Variants in VKORC1L1 observed in about 807,000 individuals in gnomAD.
The protein encoded by VKORC1L1 is vitamin K epoxide reductase complex subunit 1L1, also known as vitamin K epoxide reductase complex subunit 1-like protein 1.
VKORC1L1 carries 2 observed loss-of-function variants against 18.9 expected under a neutral mutation model. That is an observed-to-expected ratio of 0.11 (90% CI 0.04 to 0.33). The LOEUF (loss-of-function observed/expected upper bound fraction) is 0.33, where lower values mean the gene tolerates loss of function less well. VKORC1L1 is among the 10% of genes least tolerant of loss of function. The pLI, the probability that VKORC1L1 is intolerant of heterozygous loss-of-function variation, is 1.00. For synonymous variants in VKORC1L1, 96 were observed against 100.0 expected (o/e 0.96, Z 0.24); for missense variants, 123 against 224.1 (o/e 0.55, Z 2.88).
chr7:65,888,235 C>A (rs537570958), intron 1 of VKORC1L1, among the ~76,000 whole-genome samples: 2 of 152,150 alleles, frequency 1.3e-5, no homozygotes, highest in East Asian at 3.9e-4. Context: ...CTATAGGGTC[C>A]CTGGGAGAAA....
In VKORC1L1 at chr7:65,931,790, C is replaced by A. The variant is rs561732849; in HGVS notation, c.195-16881C>A. On this transcript the variant is annotated intron_variant, in intron 1 of 2. Transcript: ENST00000360768. ...CAGAATAGCTGGGATTACAGACATC[C>A]ACCACCATGCCCGGCTACTTTTTAT... 2.2e-4 allele frequency among the ~76,000 whole-genome samples: 33 copies of A among 152,128 alleles called. No homozygotes were observed. In the South Asian group the frequency reaches 6.9e-3, roughly 32 times the overall value.
intron 1 of VKORC1L1, among the ~76,000 whole-genome samples, chr7:65,901,762 C>T (rs1315841877): frequency 6.6e-6 from 1 of 151,992 alleles, no homozygotes; most frequent in Non-Finnish European, 1.5e-5. Flanking sequence ...GGAGGAGTCT[C>T]CTGAAATCTG....
intron 1 of VKORC1L1, among the ~76,000 whole-genome samples, chr7:65,883,511 G>GT (rs1788962672): frequency 6.8e-6 from 1 of 147,014 alleles, no homozygotes; most frequent in East Asian, 2.1e-4. Flanking sequence ...TTTTTTGTTT[G>GT]TTTTTTGAGA....
rs142010956 is a variant in VKORC1L1, at chr7:65,957,604, G to C, written c.*3304G>C. 1 of 152,260 alleles carries C rather than the reference G, an allele frequency of 6.6e-6. No individual in the cohort carries two copies. The highest frequency in any genetic ancestry group is 1.5e-5 in the Non-Finnish European group (1 of 68,114). The allele number at this position is 152,260 out of a possible 1,614,324, so 9.4% of individuals were successfully genotyped here. Reference sequence around the variant, plus strand: ...TCCCAGCACTTTGGGAGGCCGAGGCGGTTGGATCACCTGAGGTCAGAAGTT... The same window carrying C: ...TCCCAGCACTTTGGGAGGCCGAGGCCGTTGGATCACCTGAGGTCAGAAGTT... On this transcript the variant is annotated 3_prime_UTR_variant, in exon 3 of 3. Coordinates refer to ENST00000360768, the MANE Select transcript of VKORC1L1 (RefSeq NM_173517.6).
At chr7:65,879,447 G>A (rs1002978742) in intron 1 of VKORC1L1, among the ~76,000 whole-genome samples, 1 of 152,176 alleles carries the variant, frequency 6.6e-6, no homozygotes, top group African/African-American at 2.4e-5. Flanking sequence ...CTTACTATGT[G>A]CTAGGCAGTG....
At chr7:65,897,096 T>A (rs1435664370) in intron 1 of VKORC1L1, among the ~76,000 whole-genome samples, 1 of 152,204 alleles carries the variant, frequency 6.6e-6, no homozygotes, top group Non-Finnish European at 1.5e-5. Context: ...AAGAAATAGT[T>A]GCCATGCAGC....
At chr7:65,900,042 CGTGTGTGTGTGTGTGTGTGTGTGTGTGT>C (rs58269522) in intron 1 of VKORC1L1, among the ~76,000 whole-genome samples, 1 of 140,860 alleles carries the variant, frequency 7.1e-6, no homozygotes, top group Non-Finnish European at 1.5e-5. Context: ...TGTGCACGCA[CGTGTGTGTGTGTGTGTGTGTGTGTGTGT>C]GTGTGTGTGT....
intron 1 of VKORC1L1, among the ~76,000 whole-genome samples, chr7:65,925,283 C>T (rs759530878): frequency 2.6e-5 from 4 of 152,160 alleles, no homozygotes; most frequent in Non-Finnish European, 5.9e-5. Context: ...CCTGGAAACC[C>T]GGGAGTCAGT....
chr7:65,877,007 A>T (rs1788838179), intron 1 of VKORC1L1, among the ~76,000 whole-genome samples: 1 of 152,200 alleles, frequency 6.6e-6, no homozygotes, highest in South Asian at 2.1e-4. Flanking sequence ...TGATGGTGCC[A>T]CTGCACTCCA....
chr7:65,895,468 AAAAAAAAAAAAAATATATATATATAT>A (rs1160122114), intron 1 of VKORC1L1, among the ~76,000 whole-genome samples: 30 of 52,772 alleles, frequency 5.7e-4, no homozygotes, highest in African/African-American at 2.4e-3. Context: ...AAAAAAAAAA[AAAAAAAAAAAAAATATATATATATAT>A]ATATATATAT....
chr7:65,923,136 A>G (rs1789705390), intron 1 of VKORC1L1, among the ~76,000 whole-genome samples: 1 of 152,166 alleles, frequency 6.6e-6, no homozygotes, highest in Non-Finnish European at 1.5e-5. Context: ...AAAAGATGAT[A>G]GGAGCAGGGT....
At chr7:65,895,837 A>G (rs748659538) in intron 1 of VKORC1L1, among the ~76,000 whole-genome samples, 2 of 147,290 alleles carry the variant, frequency 1.4e-5, no homozygotes, top group African/African-American at 5.0e-5. Context: ...AGTAAATGGT[A>G]TTGGGTGAAC....
intron 1 of VKORC1L1, among the ~76,000 whole-genome samples, chr7:65,914,821 T>C (rs765646910): frequency 1.3e-5 from 2 of 152,094 alleles, no homozygotes; most frequent in Non-Finnish European, 2.9e-5. Context: ...CCGGGTAACA[T>C]GGCAAGACTC....
intron 1 of VKORC1L1, among the ~76,000 whole-genome samples, chr7:65,882,359 A>G (rs1788942559): frequency 6.6e-6 from 1 of 152,044 alleles, no homozygotes; most frequent in South Asian, 2.1e-4. Flanking sequence ...AGCCTGGGCA[A>G]CAAGAGTGAA....
At chr7:65,932,798 A>G (rs1789879602) in intron 1 of VKORC1L1, among the ~76,000 whole-genome samples, 1 of 152,036 alleles carries the variant, frequency 6.6e-6, no homozygotes, top group African/African-American at 2.4e-5. Context: ...ATGTGTGTGC[A>G]GCTGGGCGCA....
chr7:65,901,856 A>G (rs1199081361), intron 1 of VKORC1L1, among the ~76,000 whole-genome samples: 1 of 152,160 alleles, frequency 6.6e-6, no homozygotes, highest in African/African-American at 2.4e-5. Context: ...AGGCCAAACA[A>G]TTCCTGGGAC....
In VKORC1L1 at chr7:65,873,341, G is replaced by A. The variant is rs763344910; in HGVS notation, c.-31G>A. ...GGGCGGCGGCGGCTGAGGTGGAGGC[G>A]GAGGGAGGCGGCGGCGGCGGCGGCG... is the stretch of plus-strand genomic sequence containing the variant. On this transcript the variant is annotated 5_prime_UTR_variant, in exon 1 of 3. Coordinates refer to ENST00000360768, the MANE Select transcript of VKORC1L1 (RefSeq NM_173517.6). The A allele has an allele frequency of 1.8e-5, 27 of 1,466,668 alleles. 1 individual carries two copies. In the Middle Eastern group the frequency reaches 1.0e-3, roughly 55 times the overall value. The allele number at this position is 1,466,668 out of a possible 1,614,324, so 90.9% of individuals were successfully genotyped here.
intron 2 of VKORC1L1, among the ~76,000 whole-genome samples, chr7:65,953,843 C>T (rs546006222): frequency 1.1e-4 from 17 of 152,278 alleles, no homozygotes; most frequent in South Asian, 4.1e-4. Context: ...CCAGCCTGGG[C>T]GGTAGAGTGA....
chr7:65,904,895 T>C (rs1789379081), intron 1 of VKORC1L1, among the ~76,000 whole-genome samples: 1 of 152,174 alleles, frequency 6.6e-6, no homozygotes, highest in African/African-American at 2.4e-5. Flanking sequence ...TTTGTCTGTG[T>C]ATATATATGT....
Sources: allele counts gnomAD v4.1 joint callset (sites outside exome capture counted in the v4.1 genomes callset), GRCh38; gene constraint gnomAD v4.1.1; transcripts MANE v1.5; gene names NCBI Gene and HGNC (gene_info 2026-07-23, HGNC 2026-07-21).